The following STK3 variants were observed in gnomAD, a reference collection of about 807,000 sequenced individuals.
STK3 encodes serine/threonine-protein kinase 3.
In STK3, 41 loss-of-function variants were observed where a neutral mutation model predicts 58.0. That is an observed-to-expected ratio of 0.71 (90% CI 0.55 to 0.92). The LOEUF is 0.92. STK3 is among the 40% of genes least tolerant of loss of function. The pLI, the probability that STK3 is intolerant of heterozygous loss-of-function variation, is 0.00. For missense variants in STK3, 479 were observed against 602.7 expected, an observed-to-expected ratio of 0.79 and a Z score of 2.15; for synonymous variants, 170 against 191.0, an observed-to-expected ratio of 0.89 and a Z score of 0.91.
chr8:98,440,694 A>G (rs1421756390), intron 1 of STK3, among the ~76,000 whole-genome samples: 1 of 152,200 alleles, frequency 6.6e-6, no homozygotes, highest in Non-Finnish European at 1.5e-5. Flanking sequence ...CTTTCTGAAC[A>G]TTTGTCTTCT....
At chr8:98,520,880 A>C (rs1825309779) in intron 10 of STK3, among the ~76,000 whole-genome samples, 1 of 152,082 alleles carries the variant, frequency 6.6e-6, no homozygotes, top group Non-Finnish European at 1.5e-5. Flanking sequence ...TTTGTGAGCA[A>C]AGCAGTCCAC....
Position 98,850,304 on chromosome 8 carries a change from G to A in STK3, c.110+33343C>T, listed in dbSNP as rs551527981. 1.4e-4 allele frequency among the ~76,000 whole-genome samples: 21 copies of A among 152,268 alleles called. No individual in the cohort carries two copies. The South Asian group carries it at 3.9e-3, about 29-fold the overall frequency. On this transcript the variant is annotated intron_variant, in intron 3 of 12. Coordinates refer to the STK3 transcript ENST00000523601. Reference sequence around the variant, plus strand: ...TCCTCCCTCCTCAGCTTCCTAAGTAGCTGGGACTACAGTCAACATGCCACT... The same window carrying A: ...TCCTCCCTCCTCAGCTTCCTAAGTAACTGGGACTACAGTCAACATGCCACT...
intron 1 of STK3, among the ~76,000 whole-genome samples, chr8:98,899,711 A>G (rs925136470): frequency 6.6e-6 from 1 of 152,192 alleles, no homozygotes; most frequent in African/African-American, 2.4e-5. Flanking sequence ...CATGATATGC[A>G]TAATGATATT....
At chr8:98,753,245 G>C (rs776255125) in intron 3 of STK3, among the ~76,000 whole-genome samples, 25 of 152,162 alleles carry the variant, frequency 1.6e-4, no homozygotes, top group Non-Finnish European at 2.9e-4. Context: ...TGATAGACTG[G>C]ATAATGAAAA....
intron 1 of STK3, among the ~76,000 whole-genome samples, chr8:98,440,529 G>A (rs1320204026): frequency 2.0e-5 from 3 of 151,582 alleles, no homozygotes; most frequent in African/African-American, 7.3e-5. Flanking sequence ...CCCTGTCCCT[G>A]GTTCAGTTTT....
chr8:98,844,530 A>G (rs1428371685), intron 3 of STK3, among the ~76,000 whole-genome samples: 2 of 152,044 alleles, frequency 1.3e-5, no homozygotes, highest in Non-Finnish European at 2.9e-5. Flanking sequence ...CCTTGGTGCA[A>G]TCTCGGTTCA....
upstream of STK3, among the ~76,000 whole-genome samples, chr8:98,829,731 G>T (rs949113939): frequency 1.3e-5 from 2 of 152,166 alleles, no homozygotes; most frequent in African/African-American, 4.8e-5. Context: ...TATTTATTGA[G>T]CACTTAAGTA....
intron 1 of STK3, among the ~76,000 whole-genome samples, chr8:98,386,675 T>C (rs1817794575): frequency 1.3e-5 from 2 of 152,314 alleles, no homozygotes; most frequent in Admixed American, 1.3e-4. Flanking sequence ...TTATAGACTT[T>C]TACCTTAAAA....
At chr8:98,354,417 T>C in the STK3 span, among the ~76,000 whole-genome samples, 1 of 152,120 alleles carries the variant, frequency 6.6e-6, no homozygotes, top group Non-Finnish European at 1.5e-5. Context: ...AAGAATATGG[T>C]GGACTCCTAC....
At chr8:98,858,716 A>AC in intron 3 of STK3, among the ~76,000 whole-genome samples, 1 of 151,896 alleles carries the variant, frequency 6.6e-6, no homozygotes, top group East Asian at 2.0e-4. Flanking sequence ...ACATGGTGAA[A>AC]TCCTGTCTCT....
intron 6 of STK3, among the ~76,000 whole-genome samples, chr8:98,687,331 G>C (rs1449957816): frequency 6.6e-6 from 1 of 152,208 alleles, no homozygotes; most frequent in East Asian, 1.9e-4. Flanking sequence ...ATTAGTTAGA[G>C]TCTCATGAGG....
At chr8:98,858,315 TATATATATAGAGAG>T (rs1358231203) in intron 3 of STK3, among the ~76,000 whole-genome samples, 3 of 57,256 alleles carry the variant, frequency 5.2e-5, no homozygotes, top group East Asian at 6.2e-4. Flanking sequence ...TATATATATA[TATATATATAGAGAG>T]AGAGAGAGAG....
intron 6 of STK3, among the ~76,000 whole-genome samples, chr8:98,625,988 T>A (rs77143141): frequency 2.0e-5 from 3 of 152,300 alleles, no homozygotes; most frequent in East Asian, 3.9e-4. Context: ...TACCACGTCA[T>A]GGTAATGACT....
At chr8:98,680,882 A>G (rs1823578920) in intron 6 of STK3, among the ~76,000 whole-genome samples, 1 of 152,198 alleles carries the variant, frequency 6.6e-6, no homozygotes. Flanking sequence ...AGAGTATAAA[A>G]AGAAACTGAA....
Position 98,796,045 on chromosome 8 carries a change from A to G in STK3, c.27-21226T>C, listed in dbSNP as rs59063727. On this transcript the variant is annotated intron_variant, in intron 1 of 10. Transcript: ENST00000419617. ...ATGTTCATGAAGTGGAAAAATCAAC[A>G]TCATTAAAATGGCCACACAGCCCAA... Among the ~76,000 whole-genome samples, 833 of 152,330 alleles carry G rather than the reference A, an allele frequency of 5.5e-3. 9 individuals are homozygous for G. The highest frequency in any genetic ancestry group is 0.019 in the African/African-American group (802 of 41,572).
intron 6 of STK3, among the ~76,000 whole-genome samples, chr8:98,700,231 A>C (rs1196717871): frequency 2.6e-5 from 4 of 152,318 alleles, no homozygotes; most frequent in Middle Eastern, 3.4e-3. Context: ...GCGCAGTATT[A>C]GGGTGGGAGC....
chr8:98,743,084 T>C (rs1829349853), intron 4 of STK3, among the ~76,000 whole-genome samples: 1 of 151,732 alleles, frequency 6.6e-6, no homozygotes, highest in Non-Finnish European at 1.5e-5. Context: ...TAAAAGAGGA[T>C]ACAAAGAAAT....
intron 4 of STK3, among the ~76,000 whole-genome samples, chr8:98,718,524 GT>G (rs1378372730): frequency 6.6e-6 from 1 of 152,164 alleles, no homozygotes; most frequent in Non-Finnish European, 1.5e-5. Flanking sequence ...ATCCAACAGA[GT>G]AACCACTAAC....
chr8:98,424,994 C>T (rs1263693173), intron 3 of STK3, among the ~76,000 whole-genome samples: 1 of 152,166 alleles, frequency 6.6e-6, no homozygotes, highest in Non-Finnish European at 1.5e-5. Flanking sequence ...TGCTCAGGCC[C>T]CTGCAGCAGA....
Sources: gnomAD v4.1 joint callset for allele counts (sites outside exome capture counted in the v4.1 genomes callset) on GRCh38, gnomAD v4.1.1 for gene constraint, MANE v1.5 for transcripts, NCBI Gene and HGNC (gene_info 2026-07-23, HGNC 2026-07-21) for gene names.